Variants in PRR23E observed in about 807,000 individuals in gnomAD.
PRR23E encodes PRR23 family member E.
chr3:127,197,410 G>A, the PRR23E span: 1 of 1,548,410 alleles, frequency 6.5e-7, no homozygotes, highest in Admixed American at 1.8e-5. Context: ...CTCTTTGAGT[G>A]CTAATCAGCC....
At chr3:127,196,820 C>G in the PRR23E span, 4 of 1,598,740 alleles carry the variant, frequency 2.5e-6, no homozygotes, top group South Asian at 2.2e-5. Context: ...GTTCCTGTAC[C>G]TGCTTGGGAG....
the PRR23E span, chr3:127,197,947 C>T: frequency 6.6e-6 from 1 of 152,288 alleles, no homozygotes; most frequent in Non-Finnish European, 1.5e-5. Context: ...CTTTGGAACC[C>T]ATGGAATCCA....
chr3:127,197,752 C>T, the PRR23E span: 1 of 189,034 alleles, frequency 5.3e-6, no homozygotes, highest in Non-Finnish European at 1.1e-5. Flanking sequence ...TGTAGAAGCG[C>T]TCAGTTAGAA....
chr3:127,194,332 T>TA, the PRR23E span, among the ~76,000 whole-genome samples: 354 of 147,384 alleles, frequency 2.4e-3, 1 homozygote, highest in African/African-American at 7.7e-3. Flanking sequence ...GCTGAAGAAC[T>TA]AAAAAAAAAA....
chr3:127,196,649 GA>G, the PRR23E span: 2 of 1,538,066 alleles, frequency 1.3e-6, no homozygotes, highest in Non-Finnish European at 1.7e-6. Flanking sequence ...GCACTTGCCA[GA>G]CACTTCGGGG....
the PRR23E span, chr3:127,196,845 G>T: frequency 6.3e-7 from 1 of 1,598,404 alleles, no homozygotes; most frequent in Non-Finnish European, 8.5e-7. Context: ...GCCTGTAACT[G>T]ACCTGGCCCT....
At chr3:127,196,585 C>A in the PRR23E span, 3 of 1,446,894 alleles carry the variant, frequency 2.1e-6, no homozygotes, top group African/African-American at 4.3e-5. Context: ...TCTGCTCACC[C>A]CACAGATACC....
chr3:127,197,049 G>A, the PRR23E span: 1 of 1,594,056 alleles, frequency 6.3e-7, no homozygotes, highest in Non-Finnish European at 8.5e-7. Context: ...GTATCTGGCT[G>A]CCTTGGCCCC....
the PRR23E span, among the ~76,000 whole-genome samples, chr3:127,195,120 C>A: frequency 6.6e-6 from 1 of 152,194 alleles, no homozygotes; most frequent in African/African-American, 2.4e-5. Context: ...TCCGCTGTAA[C>A]TGTGTTTTGC....
chr3:127,197,153 G>A, the PRR23E span: 55 of 1,593,690 alleles, frequency 3.5e-5, 1 homozygote, highest in South Asian at 5.7e-4. Context: ...GTCCCCAGGT[G>A]GGATGCTGGA....
At chr3:127,196,742 G>A in the PRR23E span, 2 of 1,595,218 alleles carry the variant, frequency 1.3e-6, no homozygotes, top group Non-Finnish European at 1.7e-6. Context: ...GTGCCTTCGA[G>A]GCCTCCGAGG....
the PRR23E span, chr3:127,197,203 C>T: frequency 6.3e-7 from 1 of 1,595,628 alleles, no homozygotes; most frequent in Non-Finnish European, 8.5e-7. Context: ...GTAGAGGGGC[C>T]ATCCAGAGGA....
the PRR23E span, among the ~76,000 whole-genome samples, chr3:127,194,732 C>T: frequency 6.6e-6 from 1 of 152,192 alleles, no homozygotes; most frequent in African/African-American, 2.4e-5. Flanking sequence ...CTACGGGCAT[C>T]TCAGCTGGGC....
the PRR23E span, chr3:127,196,516 T>G: frequency 9.8e-7 from 1 of 1,020,964 alleles, no homozygotes; most frequent in Non-Finnish European, 1.4e-6. Context: ...CACCCCCAGC[T>G]GTCCCCCTCC....
the PRR23E span, among the ~76,000 whole-genome samples, chr3:127,196,272 C>A: frequency 6.6e-6 from 1 of 152,168 alleles, no homozygotes; most frequent in Non-Finnish European, 1.5e-5. Context: ...TTAACTCTCC[C>A]TCCAGCAGGT....
At chr3:127,196,700 A>G in the PRR23E span, 3 of 1,591,084 alleles carry the variant, frequency 1.9e-6, no homozygotes, top group South Asian at 1.1e-5. Context: ...GCACAGGTGC[A>G]TCAGAGAAAC....
chr3:127,194,608 C>A, the PRR23E span, among the ~76,000 whole-genome samples: 1 of 152,206 alleles, frequency 6.6e-6, no homozygotes, highest in Non-Finnish European at 1.5e-5. Flanking sequence ...TTTCTCAGTG[C>A]ATTTCGGTTT....
At chr3:127,194,558 G>A in the PRR23E span, among the ~76,000 whole-genome samples, 1 of 152,224 alleles carries the variant, frequency 6.6e-6, no homozygotes, top group East Asian at 1.9e-4. Flanking sequence ...GAGGAAGAGG[G>A]ATTTCCTCCT....
chr3:127,194,432 G>C, the PRR23E span, among the ~76,000 whole-genome samples: 1 of 152,220 alleles, frequency 6.6e-6, no homozygotes, highest in African/African-American at 2.4e-5. Context: ...GGACTAGCTT[G>C]CTTTAGAGGA....
Sources: gnomAD v4.1 joint callset for allele counts (sites outside exome capture counted in the v4.1 genomes callset) on GRCh38, gnomAD v4.1.1 for gene constraint, MANE v1.5 for transcripts, NCBI Gene and HGNC (gene_info 2026-07-23, HGNC 2026-07-21) for gene names.